The following CNTNAP2 variants were observed in gnomAD, a reference collection of about 807,000 sequenced individuals.
CNTNAP2 encodes the protein contactin-associated protein-like 2.
A neutral mutation model predicts 155.2 loss-of-function variants in CNTNAP2; 98 were observed. The ratio of observed to expected loss-of-function variants is 0.63; its 90% CI spans 0.54 to 0.75. The LOEUF (loss-of-function observed/expected upper bound fraction) is 0.75. CNTNAP2 is among the 30% of genes least tolerant of loss of function. The pLI is 0.00. For synonymous variants in CNTNAP2, 651 were observed against 631.2 expected (o/e 1.03, Z -0.47); for missense variants, 1,727 against 1,688.1 (o/e 1.02, Z -0.40).
At chr7:148,399,882 C>T (rs933066803) in intron 22 of CNTNAP2, among the ~76,000 whole-genome samples, 4 of 152,166 alleles carry the variant, frequency 2.6e-5, no homozygotes, top group Non-Finnish European at 5.9e-5. Context: ...AAAACACACA[C>T]ACACACGAGC....
chr7:147,549,040 A>G (rs1474451815), intron 11 of CNTNAP2, among the ~76,000 whole-genome samples: 1 of 152,202 alleles, frequency 6.6e-6, no homozygotes, highest in Non-Finnish European at 1.5e-5. Flanking sequence ...AGATAGCATG[A>G]TGCCTCCACC....
At chr7:146,972,275 T>C (rs1797817013) in intron 3 of CNTNAP2, among the ~76,000 whole-genome samples, 1 of 152,234 alleles carries the variant, frequency 6.6e-6, no homozygotes, top group South Asian at 2.1e-4. Context: ...TGATACTATA[T>C]ACTATGTACA....
chr7:147,886,777 T>A (rs1203225885), intron 13 of CNTNAP2, among the ~76,000 whole-genome samples: 1 of 152,128 alleles, frequency 6.6e-6, no homozygotes, highest in Non-Finnish European at 1.5e-5. Context: ...CACATCAAAT[T>A]CACCCTCTAT....
intron 14 of CNTNAP2, among the ~76,000 whole-genome samples, chr7:147,929,076 G>C (rs6954083): frequency 0.067 from 3,591 of 53,414 alleles, 173 homozygotes; most frequent in African/African-American, 0.21. Context: ...GGGGCAACAA[G>C]AACGAAACTC....
intron 15 of CNTNAP2, among the ~76,000 whole-genome samples, chr7:148,053,735 T>A (rs1802936444): frequency 6.6e-6 from 1 of 152,206 alleles, no homozygotes; most frequent in African/African-American, 2.4e-5. Flanking sequence ...GGTAAATTAT[T>A]TATAATATTA....
rs6974662 is a variant in CNTNAP2, at chr7:146,196,826, G to A, written c.97+79853G>A. The stretch of plus-strand genomic sequence containing the variant: ...GTTAACAGGAGGCTTTTGTATTGTC[G>A]CACTACTATTGGAAATTTCCCAGTT... On this transcript the variant is annotated intron_variant, in intron 1 of 23. Coordinates refer to ENST00000361727, the MANE Select transcript of CNTNAP2 (RefSeq NM_014141.6). Among the ~76,000 whole-genome samples the A allele has an allele frequency of 3.3e-3, 505 of 152,004 alleles. 2 individuals carry two copies. Among genetic ancestry groups the A allele is most frequent in the African/African-American group, 0.011 (465 of 41,482 alleles).
intron 1 of CNTNAP2, among the ~76,000 whole-genome samples, chr7:146,486,459 T>C (rs1797060750): frequency 6.6e-6 from 1 of 152,126 alleles, no homozygotes; most frequent in African/African-American, 2.4e-5. Flanking sequence ...AAATAAAAAG[T>C]TATCTGAGAC....
At chr7:147,166,565 C>T (rs779331862) in intron 8 of CNTNAP2, among the ~76,000 whole-genome samples, 46 of 152,116 alleles carry the variant, frequency 3.0e-4, no homozygotes, top group Admixed American at 5.9e-4. Flanking sequence ...GTTTCTTGTG[C>T]GTCCGTGTGA....
chr7:147,298,196 A>T (rs1274842053), intron 8 of CNTNAP2, among the ~76,000 whole-genome samples: 1 of 152,176 alleles, frequency 6.6e-6, no homozygotes. Flanking sequence ...TGGGAGGCCA[A>T]GGTGGGTGGA....
chr7:147,997,180 A>G (rs778918736), intron 15 of CNTNAP2, among the ~76,000 whole-genome samples: 4 of 152,192 alleles, frequency 2.6e-5, no homozygotes, highest in Non-Finnish European at 4.4e-5. Flanking sequence ...ATATTTTGTT[A>G]TAGGTAGCCC....
intron 1 of CNTNAP2, among the ~76,000 whole-genome samples, chr7:146,646,958 G>C (rs1257141377): frequency 6.6e-6 from 1 of 152,170 alleles, no homozygotes; most frequent in Admixed American, 6.5e-5. Flanking sequence ...ACACCCTGGA[G>C]AGAAACAATG....
chr7:147,262,265 T>C, intron 8 of CNTNAP2, among the ~76,000 whole-genome samples: 1 of 152,204 alleles, frequency 6.6e-6, no homozygotes, highest in Admixed American at 6.5e-5. Flanking sequence ...GACAGAATGC[T>C]AAAGCTCAAG....
At chr7:147,963,764 T>C (rs192448888) in intron 14 of CNTNAP2, among the ~76,000 whole-genome samples, 5 of 152,206 alleles carry the variant, frequency 3.3e-5, no homozygotes, top group African/African-American at 1.2e-4. Flanking sequence ...GCTATAACTT[T>C]CATAGAGGGA....
intron 13 of CNTNAP2, among the ~76,000 whole-genome samples, chr7:147,815,841 C>T (rs965049362): frequency 8.5e-5 from 13 of 152,304 alleles, no homozygotes; most frequent in Admixed American, 4.6e-4. Context: ...CAGGGCTCCG[C>T]GGGCTGCCTG....
At chr7:147,204,533 G>C (rs1563115212) in intron 8 of CNTNAP2, among the ~76,000 whole-genome samples, 2 of 152,052 alleles carry the variant, frequency 1.3e-5, no homozygotes, top group African/African-American at 4.8e-5. Context: ...GAAATCCATA[G>C]TAAACTCCAT....
chr7:146,677,146 A>C (rs946865479), intron 1 of CNTNAP2, among the ~76,000 whole-genome samples: 1 of 152,134 alleles, frequency 6.6e-6, no homozygotes, highest in Non-Finnish European at 1.5e-5. Flanking sequence ...CAGTCTGAAA[A>C]GGTGAAGTGA....
At chr7:147,248,367 G>C (rs1804114082) in intron 8 of CNTNAP2, among the ~76,000 whole-genome samples, 1 of 152,028 alleles carries the variant, frequency 6.6e-6, no homozygotes, top group Non-Finnish European at 1.5e-5. Context: ...TTTTGTGTGT[G>C]GAAGTGGGAG....
At chr7:146,404,423 C>T (rs575706102) in intron 1 of CNTNAP2, among the ~76,000 whole-genome samples, 11 of 152,200 alleles carry the variant, frequency 7.2e-5, no homozygotes, top group African/African-American at 2.6e-4. Context: ...GTGCAGCATC[C>T]GCAGCAACAT....
At chr7:148,139,885 A>C (rs1205762656) in intron 16 of CNTNAP2, among the ~76,000 whole-genome samples, 1 of 152,114 alleles carries the variant, frequency 6.6e-6, no homozygotes, top group African/African-American at 2.4e-5. Context: ...GTTTTTGTGG[A>C]GTTACAACCA....
Sources: allele counts gnomAD v4.1 joint callset (sites outside exome capture counted in the v4.1 genomes callset), GRCh38; gene constraint gnomAD v4.1.1; transcripts MANE v1.5; gene names NCBI Gene and HGNC (gene_info 2026-07-23, HGNC 2026-07-21).